ST6GAL2: variants seen among roughly 807,000 people sequenced by gnomAD.
ST6GAL2 encodes beta-galactoside alpha-2,6-sialyltransferase 2.
A neutral mutation model predicts 37.5 loss-of-function variants in ST6GAL2; 24 were observed. The ratio of observed to expected loss-of-function variants is 0.64; its 90% CI spans 0.46 to 0.90. ST6GAL2 has a LOEUF of 0.90. ST6GAL2 is among the 40% of genes least tolerant of loss of function. ST6GAL2 has a pLI of 0.00. For synonymous variants in ST6GAL2, 306 were observed against 295.1 expected (o/e 1.04, Z -0.38); for missense variants, 715 against 712.7 (o/e 1.00, Z -0.04).
rs1434022501 is a variant in ST6GAL2, at chr2:106,805,986, G to A, written c.*692C>T. On this transcript the variant is annotated 3_prime_UTR_variant, in exon 6 of 6. Coordinates refer to ENST00000409382, the MANE Select transcript of ST6GAL2 (RefSeq NM_001142351.2). Reference sequence around the variant, plus strand: ...TTGAAATACTGCAGGGAAACAAAGGGCCTCCTCTGTGGTGCTATATGGAAT... The same window carrying A: ...TTGAAATACTGCAGGGAAACAAAGGACCTCCTCTGTGGTGCTATATGGAAT... The A allele has an allele frequency of 6.6e-6, 1 of 152,270 alleles. No homozygotes were observed. Among genetic ancestry groups the A allele is most frequent in the Non-Finnish European group, 1.5e-5 (1 of 68,116 alleles). The allele number at this position is 152,270 out of a possible 1,614,324, so 9.4% of individuals were successfully genotyped here.
chr2:106,842,112 C>T (rs1676908829), intron 2 of ST6GAL2, among the ~76,000 whole-genome samples: 1 of 152,354 alleles, frequency 6.6e-6, no homozygotes, highest in South Asian at 2.1e-4. Flanking sequence ...TGCCTCAAGA[C>T]AGCAACACAG....
chr2:106,857,270 A>C (rs923769664), intron 1 of ST6GAL2, among the ~76,000 whole-genome samples: 32 of 152,208 alleles, frequency 2.1e-4, no homozygotes, highest in Non-Finnish European at 4.4e-4. Context: ...TTTTAATAGA[A>C]GACTTGGGCT....
At chr2:106,838,397 C>T (rs1676733857) in intron 2 of ST6GAL2, among the ~76,000 whole-genome samples, 1 of 152,190 alleles carries the variant, frequency 6.6e-6, no homozygotes, top group South Asian at 2.1e-4. Context: ...AGCAAGCCTC[C>T]AGTCACTAGA....
intron 1 of ST6GAL2, among the ~76,000 whole-genome samples, chr2:106,877,779 C>T (rs1171845560): frequency 6.6e-6 from 1 of 152,184 alleles, no homozygotes; most frequent in Non-Finnish European, 1.5e-5. Context: ...GAGCACCTTC[C>T]TACAATTCTG....
At chr2:106,831,877 C>A (rs1467257969) in intron 4 of ST6GAL2, among the ~76,000 whole-genome samples, 2 of 152,208 alleles carry the variant, frequency 1.3e-5, no homozygotes, top group East Asian at 3.9e-4. Context: ...GACAGCATCT[C>A]TTACTAGGCT....
intron 1 of ST6GAL2, among the ~76,000 whole-genome samples, chr2:106,855,874 C>T (rs1318797770): frequency 6.6e-6 from 1 of 152,142 alleles, no homozygotes; most frequent in African/African-American, 2.4e-5. Flanking sequence ...ACATTTTACA[C>T]GGAACTCCAG....
At position 106,859,000 on chromosome 2, in the gene ST6GAL2, C is replaced by T. The variant is rs979125106; in HGVS notation, c.-57-14966G>A. On this transcript the variant is annotated intron_variant, in intron 1 of 5. Coordinates refer to ENST00000409382, the MANE Select transcript of ST6GAL2 (RefSeq NM_001142351.2). ...GGGGCAGGCAGCAGATGGCAGCACA[C>T]GTTGTAATGCTTCACAAAGCAGGAG... Among the ~76,000 whole-genome samples the T allele has an allele frequency of 1.8e-4, 27 of 152,250 alleles. No individual in the cohort carries two copies. In the South Asian group the frequency reaches 2.3e-3, roughly 13 times the overall value.
At chr2:106,833,595 A>T (rs2104478655) in intron 3 of ST6GAL2, among the ~76,000 whole-genome samples, 1 of 152,302 alleles carries the variant, frequency 6.6e-6, no homozygotes, top group African/African-American at 2.4e-5. Flanking sequence ...AGGTATTTTC[A>T]TTTCCAATTA....
intron 1 of ST6GAL2, among the ~76,000 whole-genome samples, chr2:106,848,432 T>G (rs962656829): frequency 6.6e-6 from 1 of 152,220 alleles, no homozygotes; most frequent in Non-Finnish European, 1.5e-5. Context: ...AACTAAAAAA[T>G]GAGAAATGCA....
intron 1 of ST6GAL2, among the ~76,000 whole-genome samples, chr2:106,853,052 G>A: frequency 6.6e-6 from 1 of 152,112 alleles, no homozygotes; most frequent in Non-Finnish European, 1.5e-5. Flanking sequence ...AGAACACGAA[G>A]CCAGAAAAAA....
intron 2 of ST6GAL2, among the ~76,000 whole-genome samples, chr2:106,840,346 A>G (rs1676826823): frequency 6.6e-6 from 1 of 152,228 alleles, no homozygotes; most frequent in Admixed American, 6.5e-5. Flanking sequence ...CAAGCCATTC[A>G]TAACTATGTG....
At position 106,843,447 on chromosome 2, in the gene ST6GAL2, G is replaced by C. The variant is rs770385803; in HGVS notation, c.531C>G (p.His177Gln). ...ACACGTGGCTCCTTCTCTGCCTCCG[G>C]TGCCTCTTCTTCACCCGCCTCCTCT... ...QVQRRRVKKR[H>Q]RRQRRSHVLE... Residue 177 changes from histidine (H) to glutamine (Q), a missense_variant, in exon 2 of 6, where the codon CAC becomes CAG. His to Gln is a conservative substitution (Grantham distance 24, BLOSUM62 0). Around this residue, in one of 3 missense-constraint regions of ST6GAL2, gnomAD observed 512 missense variants for 488.8 expected, o/e 1.05. Transcript: ENST00000409382. 8 of 1,613,970 alleles carry C rather than the reference G, an allele frequency of 5.0e-6. No individual in the cohort carries two copies. The highest frequency in any genetic ancestry group is 5.9e-6 in the Non-Finnish European group (7 of 1,180,014).
At chr2:106,824,217 T>C (rs558480508) in intron 5 of ST6GAL2, among the ~76,000 whole-genome samples, 1 of 152,256 alleles carries the variant, frequency 6.6e-6, no homozygotes, top group Non-Finnish European at 1.5e-5. Flanking sequence ...TTGTAATGTA[T>C]GTCATTTCAC....
chr2:106,873,805 G>A (rs1158240758), intron 1 of ST6GAL2, among the ~76,000 whole-genome samples: 2 of 152,194 alleles, frequency 1.3e-5, no homozygotes, highest in African/African-American at 4.8e-5. Flanking sequence ...AGTGATTAGT[G>A]GCAACTCTGA....
intron 1 of ST6GAL2, among the ~76,000 whole-genome samples, chr2:106,869,967 G>A (rs1225716381): frequency 6.6e-6 from 1 of 152,182 alleles, no homozygotes; most frequent in Admixed American, 6.5e-5. Flanking sequence ...TAGCCACTGC[G>A]CTGTGCCACT....
At chr2:106,886,000 TA>T (rs1480623768) in intron 1 of ST6GAL2, 92 bp downstream of exon 1, 2 of 152,272 alleles carry the variant, frequency 1.3e-5, no homozygotes, top group African/African-American at 4.8e-5. Context: ...GTCTCGCTCC[TA>T]AACACGGAGT....
intron 1 of ST6GAL2, among the ~76,000 whole-genome samples, chr2:106,844,476 C>T (rs1048455230): frequency 4.6e-5 from 7 of 152,108 alleles, no homozygotes; most frequent in East Asian, 1.9e-4. Flanking sequence ...ATCAGACCAC[C>T]GAAAGCTCAG....
intron 1 of ST6GAL2, among the ~76,000 whole-genome samples, chr2:106,884,537 C>G (rs780455064): frequency 6.6e-6 from 1 of 152,084 alleles, no homozygotes; most frequent in Non-Finnish European, 1.5e-5. Flanking sequence ...GCAGTGACTC[C>G]TATCACAATC....
At chr2:106,841,820 G>C (rs1868257) in intron 2 of ST6GAL2, among the ~76,000 whole-genome samples, 17,460 of 152,170 alleles carry the variant, frequency 0.11, 1,282 homozygotes, top group African/African-American at 0.16. Context: ...CCCTGCCATG[G>C]CCCCATCAAT....
Sources: allele counts gnomAD v4.1 joint callset (sites outside exome capture counted in the v4.1 genomes callset), GRCh38; gene constraint gnomAD v4.1.1; regional missense constraint gnomAD v4.1.1; transcripts MANE v1.5; gene names NCBI Gene and HGNC (gene_info 2026-07-23, HGNC 2026-07-21).